ARHGAP24: variants seen among roughly 807,000 people sequenced by gnomAD.
ARHGAP24 encodes rho GTPase-activating protein 24.
In ARHGAP24, 50 loss-of-function variants were observed where a neutral mutation model predicts 76.4. That is an observed-to-expected ratio of 0.65 (90% CI 0.52 to 0.83). The LOEUF is 0.83. Ranked by LOEUF, ARHGAP24 falls within the 40% of genes least tolerant of loss-of-function variation. The pLI, the probability that ARHGAP24 is intolerant of heterozygous loss-of-function variation, is 0.00. For missense variants in ARHGAP24, 930 were observed against 914.2 expected, an observed-to-expected ratio of 1.02 and a Z score of -0.22; for synonymous variants, 345 against 323.3, an observed-to-expected ratio of 1.07 and a Z score of -0.72.
At chr4:85,616,533 T>A (rs1047242831) in intron 2 of ARHGAP24, among the ~76,000 whole-genome samples, 1 of 152,196 alleles carries the variant, frequency 6.6e-6, no homozygotes, top group African/African-American at 2.4e-5. Flanking sequence ...AAAATAGAAG[T>A]TACAGAGGTA....
intron 3 of ARHGAP24, among the ~76,000 whole-genome samples, chr4:85,845,351 G>C (rs954386698): frequency 1.3e-5 from 2 of 152,098 alleles, no homozygotes; most frequent in Admixed American, 6.5e-5. Flanking sequence ...TGTCACTACT[G>C]TTCTATTTTA....
intron 1 of ARHGAP24, among the ~76,000 whole-genome samples, chr4:85,568,142 T>C (rs1231728743): frequency 6.6e-6 from 1 of 152,180 alleles, no homozygotes; most frequent in African/African-American, 2.4e-5. Flanking sequence ...TATCTACTTG[T>C]ATTTTTTATA....
intron 2 of ARHGAP24, among the ~76,000 whole-genome samples, chr4:85,607,520 T>C (rs535365268): frequency 1.3e-5 from 2 of 152,102 alleles, no homozygotes; most frequent in Admixed American, 1.3e-4. Context: ...TCCGTACCCC[T>C]TCCCTAATAT....
intron 3 of ARHGAP24, among the ~76,000 whole-genome samples, chr4:85,848,062 A>C (rs775415098): frequency 6.6e-6 from 1 of 152,190 alleles, no homozygotes; most frequent in Non-Finnish European, 1.5e-5. Context: ...TTCACCACAC[A>C]ATCTATACAG....
intron 3 of ARHGAP24, among the ~76,000 whole-genome samples, chr4:85,863,888 C>T (rs150698695): frequency 3.9e-4 from 60 of 152,028 alleles, no homozygotes; most frequent in African/African-American, 1.4e-3. Context: ...TGTCTCCAAG[C>T]GGAAAAAGAC....
At chr4:85,660,162 G>C (rs1486894932) in intron 2 of ARHGAP24, among the ~76,000 whole-genome samples, 3 of 152,094 alleles carry the variant, frequency 2.0e-5, no homozygotes, top group African/African-American at 7.2e-5. Context: ...AGTTATGACT[G>C]TCTCTTATTC....
intron 2 of ARHGAP24, among the ~76,000 whole-genome samples, chr4:85,579,090 C>T (rs969643629): frequency 1.3e-5 from 2 of 152,086 alleles, no homozygotes; most frequent in African/African-American, 4.8e-5. Flanking sequence ...ATGATGACAG[C>T]CAAGGAGACT....
At chr4:85,643,425 A>AT (rs1578102571) in intron 2 of ARHGAP24, among the ~76,000 whole-genome samples, 1 of 114,008 alleles carries the variant, frequency 8.8e-6, no homozygotes, top group Non-Finnish European at 1.8e-5. Context: ...CGCCCGGCTA[A>AT]TTTTTTGTAT....
intron 3 of ARHGAP24, among the ~76,000 whole-genome samples, chr4:85,768,203 G>A (rs1235551018): frequency 6.6e-6 from 1 of 152,056 alleles, no homozygotes; most frequent in Non-Finnish European, 1.5e-5. Context: ...AAATAGCATG[G>A]CAAGTAACAG....
chr4:85,643,390 C>T (rs1477941711), intron 2 of ARHGAP24, among the ~76,000 whole-genome samples: 1 of 121,408 alleles, frequency 8.2e-6, no homozygotes, highest in Non-Finnish European at 1.7e-5. Flanking sequence ...TCCCCAGTAG[C>T]TGGGACTACA....
chr4:85,997,091 GGGAGAGCTCTGCAGTA>G (rs1288979793), intron 9 of ARHGAP24, among the ~76,000 whole-genome samples: 1 of 152,162 alleles, frequency 6.6e-6, no homozygotes, highest in Non-Finnish European at 1.5e-5. Context: ...GACAGGCCAA[GGGAGAGCTCTGCAGTA>G]GGGTGGAGGG....
intron 3 of ARHGAP24, among the ~76,000 whole-genome samples, chr4:85,769,415 T>C (rs1312699423): frequency 6.6e-6 from 1 of 152,198 alleles, no homozygotes. Flanking sequence ...GACACATTTA[T>C]TGTGTTGCTT....
chr4:85,687,796 G>T (rs763042200), intron 2 of ARHGAP24, among the ~76,000 whole-genome samples: 1 of 151,616 alleles, frequency 6.6e-6, no homozygotes, highest in Admixed American at 6.6e-5. Flanking sequence ...GGAACTCCTG[G>T]GTCAAATGGT....
At chr4:85,607,371 G>A (rs1361583114) in intron 2 of ARHGAP24, among the ~76,000 whole-genome samples, 2 of 151,548 alleles carry the variant, frequency 1.3e-5, no homozygotes, top group Admixed American at 1.3e-4. Flanking sequence ...AGGGAGGGAG[G>A]GAGGAACGGA....
Position 86,002,595 on chromosome 4 carries a change from CT to C in ARHGAP24, c.*1874del, listed in dbSNP as rs1741076754. The C allele has an allele frequency of 1.3e-5, 2 of 152,194 alleles. No individual in the cohort carries two copies. Among genetic ancestry groups the C allele is most frequent in the South Asian group, 4.1e-4 (2 of 4,824 alleles). 9.4% of individuals were successfully genotyped at this position (152,194 alleles called of 1,614,324 possible). On this transcript the variant is annotated 3_prime_UTR_variant, in exon 10 of 10. Transcript: ENST00000395184. ...GTTCAAATGGTATACAATTTGCCAG[CT>C]GTTACTGAACCTTCTATGCATAACT...
intron 4 of ARHGAP24, chr4:85,931,050 G>A (rs1343395173): frequency 6.2e-7 from 1 of 1,606,416 alleles, no homozygotes; most frequent in East Asian, 2.2e-5. Flanking sequence ...AAGGTAGGTA[G>A]ATAATATGTT....
chr4:85,904,588 G>A (rs897005968), intron 3 of ARHGAP24, among the ~76,000 whole-genome samples: 1 of 152,158 alleles, frequency 6.6e-6, no homozygotes, highest in Non-Finnish European at 1.5e-5. Context: ...AATTTTTAAT[G>A]CAATATAATG....
chr4:85,604,966 A>T (rs1426706389), intron 2 of ARHGAP24, among the ~76,000 whole-genome samples: 1 of 152,240 alleles, frequency 6.6e-6, no homozygotes, highest in Admixed American at 6.5e-5. Context: ...GGCCTCCCAA[A>T]GTGCTGGGAT....
intron 1 of ARHGAP24, among the ~76,000 whole-genome samples, chr4:85,513,551 C>CTT (rs199973646): frequency 1.7e-4 from 25 of 145,740 alleles, no homozygotes; most frequent in African/African-American, 6.1e-4. Context: ...GAATGATTGC[C>CTT]TTTTTTTTAA....
Sources: gnomAD v4.1 joint callset for allele counts (sites outside exome capture counted in the v4.1 genomes callset) on GRCh38, gnomAD v4.1.1 for gene constraint, MANE v1.5 for transcripts, NCBI Gene and HGNC (gene_info 2026-07-23, HGNC 2026-07-21) for gene names.